The following EMC3 variants were observed in gnomAD, a reference collection of about 807,000 sequenced individuals.
The protein encoded by EMC3 is 30 kDa protein.
In EMC3, 13 loss-of-function variants were observed where a neutral mutation model predicts 36.6. The observed-to-expected ratio is 0.35, with a 90% CI of 0.23 to 0.56. The LOEUF is 0.56. Ranked by LOEUF, EMC3 falls within the 20% of genes least tolerant of loss-of-function variation. The pLI is 0.84. For synonymous variants in EMC3, 120 were observed against 111.9 expected, an observed-to-expected ratio of 1.07 and a Z score of -0.46; for missense variants, 220 against 324.5, an observed-to-expected ratio of 0.68 and a Z score of 2.47.
chr3:10,000,043 T>TG (rs1339673410), intron 1 of EMC3, among the ~76,000 whole-genome samples: 4 of 152,116 alleles, frequency 2.6e-5, no homozygotes, highest in African/African-American at 9.7e-5. Flanking sequence ...TTTTATTTTT[T>TG]GGGGTTTTTT....
At chr3:10,008,499 A>T (rs138409352) in intron 1 of EMC3, 26,932 of 1,366,296 alleles carry the variant, frequency 0.02, 302 homozygotes, top group Non-Finnish European at 0.023. Context: ...TGGGGGGCTG[A>T]CAGCCATGGA....
At chr3:10,000,175 A>G (rs2086180398) in intron 1 of EMC3, among the ~76,000 whole-genome samples, 1 of 152,024 alleles carries the variant, frequency 6.6e-6, no homozygotes, top group Admixed American at 6.6e-5. Flanking sequence ...AGTAGCTGGG[A>G]TTACAGGTGC....
chr3:9,991,917 G>T (rs1315061060), intron 1 of EMC3, among the ~76,000 whole-genome samples: 1 of 152,044 alleles, frequency 6.6e-6, no homozygotes, highest in Non-Finnish European at 1.5e-5. Flanking sequence ...TAGATCCTGC[G>T]CATGTGCAGT....
upstream of EMC3, chr3:9,988,331 G>T: frequency 1.2e-6 from 1 of 833,478 alleles, no homozygotes; most frequent in Non-Finnish European, 2.1e-6. Flanking sequence ...TTCTTTTCTG[G>T]TAGGTAGAAG....
intron 1 of EMC3, among the ~76,000 whole-genome samples, chr3:9,996,011 CTCTG>C (rs1029495506): frequency 1.3e-5 from 2 of 152,272 alleles, no homozygotes; most frequent in East Asian, 1.9e-4. Flanking sequence ...CCTCAAAAAG[CTCTG>C]TCTATTAGGG....
chr3:9,972,890 G>A (rs554282965), intron 5 of EMC3, among the ~76,000 whole-genome samples: 3 of 149,064 alleles, frequency 2.0e-5, no homozygotes, highest in South Asian at 2.1e-4. Context: ...GTGCAGCAGC[G>A]CCATCTCAGC....
chr3:10,002,274 C>CTTATTTTATTTTATTTTATT (rs1171538883), intron 1 of EMC3, among the ~76,000 whole-genome samples: 1 of 99,626 alleles, frequency 1.0e-5, no homozygotes, highest in Non-Finnish European at 2.0e-5. Flanking sequence ...TCAGCAGTTT[C>CTTATTTTATTTTATTTTATT]TTTTTTTATT....
Position 9,970,665 on chromosome 3 carries a change from G to T in EMC3, c.495-4C>A, listed in dbSNP as rs1277648749. On this transcript the variant is annotated splice_polypyrimidine_tract_variant and splice_region_variant and intron_variant, in intron 5 of 7. Coordinates refer to ENST00000245046, the MANE Select transcript of EMC3 (RefSeq NM_001394674.1). ...GTACCAGGATGCAGAACTCACCCTG[G>T]CAAAGCAAAATGAAAATGGTGTGGT... 6.2e-7 allele frequency: 1 copy of T among 1,613,992 alleles called. No individual in the cohort carries two copies.
upstream of EMC3, among the ~76,000 whole-genome samples, chr3:9,989,174 A>G (rs1358993455): frequency 2.6e-5 from 4 of 152,226 alleles, no homozygotes; most frequent in African/African-American, 7.2e-5. Context: ...AGACCTGACT[A>G]GAGTAAATCA....
At position 10,002,257 on chromosome 3, in the gene EMC3, A is replaced by AT. The variant is rs1329142928; in HGVS notation, c.-242+8765dup. Among the ~76,000 whole-genome samples the AT allele has an allele frequency of 2.7e-5, 4 of 150,062 alleles. No individual in the cohort carries two copies. The East Asian group carries it at 7.9e-4, about 30-fold the overall frequency. On this transcript the variant is annotated intron_variant, in intron 1 of 8. Coordinates refer to the EMC3 transcript ENST00000470827. ...CTCTTTCCATTTATTTATGTCTTTA[A>AT]TTTTTTTCAGCAGTTTCTTTTTTTA...
At chr3:10,005,929 C>T (rs567289853) in intron 1 of EMC3, among the ~76,000 whole-genome samples, 1 of 152,376 alleles carries the variant, frequency 6.6e-6, no homozygotes, top group Admixed American at 6.5e-5. Context: ...TTTCCACCTT[C>T]CCTCTCTCAC....
intron 1 of EMC3, chr3:10,010,229 G>C (rs539430009): frequency 6.6e-6 from 1 of 152,290 alleles, no homozygotes; most frequent in East Asian, 1.9e-4. Context: ...TCAGGAGATC[G>C]AGACCATCCT....
chr3:9,981,838 T>C (rs1238522018), intron 1 of EMC3: 10 of 380,976 alleles, frequency 2.6e-5, no homozygotes, highest in Non-Finnish European at 5.1e-5. Context: ...ATGTCAGTAG[T>C]ATATTTGTCA....
rs1265452584 is a variant in EMC3, at chr3:9,964,116, G to T, written c.739C>A (p.His247Asn). 6.2e-7 allele frequency: 1 copy of T among 1,614,062 alleles called. No homozygotes were observed. Among genetic ancestry groups the T allele is most frequent in the Non-Finnish European group, 8.5e-7 (1 of 1,180,046 alleles). The stretch of plus-strand genomic sequence containing the variant: ...TCCTTTTTGAACATGCCTTCGAAGT[G>T]GAGGTCTTTGGCCATGAGCTCTTCT... The part of the protein sequence containing the change: ...VEEELMAKDL[H>N]FEGMFKKELQ... The change falls in exon 8 of 8, where the codon CAC becomes AAC. Residue 247 changes from histidine to asparagine, a missense_variant. By Grantham distance (68) the His-to-Asn change is moderately conservative (BLOSUM62 1). Around this residue, in one of 3 missense-constraint regions of EMC3, gnomAD observed 37 missense variants for 32.9 expected, o/e 1.13. Coordinates refer to ENST00000245046, the MANE Select transcript of EMC3 (RefSeq NM_001394674.1).
chr3:9,993,726 C>A (rs1318994814), intron 1 of EMC3, among the ~76,000 whole-genome samples: 8 of 152,228 alleles, frequency 5.3e-5, no homozygotes, highest in African/African-American at 1.7e-4. Flanking sequence ...TGGTTATTTA[C>A]TCTGGGTCCA....
intron 1 of EMC3, among the ~76,000 whole-genome samples, chr3:9,998,371 AT>A (rs1447850539): frequency 7.3e-6 from 1 of 136,326 alleles, no homozygotes; most frequent in African/African-American, 3.0e-5. Flanking sequence ...GTCTCAAATA[AT>A]AATAATAATA....
chr3:9,970,976 G>A (rs1238869779), intron 5 of EMC3, among the ~76,000 whole-genome samples: 2 of 151,360 alleles, frequency 1.3e-5, no homozygotes, highest in East Asian at 3.9e-4. Context: ...AGGCTGGAGT[G>A]CAGTGGCGCA....
chr3:10,000,583 A>G, intron 1 of EMC3: 1 of 366,836 alleles, frequency 2.7e-6, no homozygotes. Context: ...AAAGTATGGT[A>G]CACATAAAAC....
At chr3:9,976,809 C>A in intron 3 of EMC3, 148 bp downstream of exon 3, 1 of 656,858 alleles carries the variant, frequency 1.5e-6, no homozygotes, top group African/African-American at 1.8e-5. Context: ...TCCATAGATC[C>A]CTGTATCAGA....
Sources: allele counts gnomAD v4.1 joint callset (sites outside exome capture counted in the v4.1 genomes callset), GRCh38; gene constraint gnomAD v4.1.1; regional missense constraint gnomAD v4.1.1; transcripts MANE v1.5; gene names NCBI Gene and HGNC (gene_info 2026-07-23, HGNC 2026-07-21).